The following PDE1A variants were observed in gnomAD, a reference collection of about 807,000 sequenced individuals.
PDE1A encodes the protein dual specificity calcium/calmodulin-dependent 3',5'-cyclic nucleotide phosphodiesterase 1A.
Under a neutral mutation model 61.7 loss-of-function variants are expected in PDE1A, and 35 were observed. The ratio of observed to expected loss-of-function variants is 0.57; its 90% confidence interval spans 0.43 to 0.75. PDE1A has a LOEUF of 0.75. Among genes scored for constraint, PDE1A ranks in the 30% least tolerant of loss-of-function variants. PDE1A has a pLI of 0.00. For missense variants in PDE1A, 597 were observed against 630.6 expected (o/e 0.95, Z 0.57); for synonymous variants, 232 against 213.2 (o/e 1.09, Z -0.77).
At chr2:182,322,436 T>C (rs1187210661) in intron 1 of PDE1A, among the ~76,000 whole-genome samples, 1 of 152,230 alleles carries the variant, frequency 6.6e-6, no homozygotes, top group African/African-American at 2.4e-5. Flanking sequence ...TCAAGAGATC[T>C]GATGGTTTTA....
At chr2:182,562,956 A>C in the PDE1A span, among the ~76,000 whole-genome samples, 1 of 151,820 alleles carries the variant, frequency 6.6e-6, no homozygotes, top group Non-Finnish European at 1.5e-5. Flanking sequence ...TTTCTTCTTT[A>C]TTAGTCTTGC....
At chr2:182,491,157 T>C (rs1018736948) in intron 2 of PDE1A, among the ~76,000 whole-genome samples, 15 of 152,196 alleles carry the variant, frequency 9.9e-5, no homozygotes, top group African/African-American at 3.4e-4. Flanking sequence ...GGACAACAAA[T>C]AGGGTGCACT....
intron 2 of PDE1A, among the ~76,000 whole-genome samples, chr2:182,478,454 T>C (rs1284038615): frequency 6.6e-6 from 1 of 151,846 alleles, no homozygotes; most frequent in Non-Finnish European, 1.5e-5. Flanking sequence ...CTTTAATAGA[T>C]GAACAGTATC....
At chr2:182,588,860 A>G in the PDE1A span, among the ~76,000 whole-genome samples, 1 of 151,990 alleles carries the variant, frequency 6.6e-6, no homozygotes, top group Non-Finnish European at 1.5e-5. Flanking sequence ...CTTGGCCAAC[A>G]TGGTGAAACC....
chr2:182,262,646 G>T (rs60701525), intron 2 of PDE1A, among the ~76,000 whole-genome samples: 15,802 of 152,118 alleles, frequency 0.1, 1,166 homozygotes, highest in East Asian at 0.32. Context: ...AGAAAGAATC[G>T]CTTGTGCAAC....
the PDE1A span, among the ~76,000 whole-genome samples, chr2:182,637,618 C>A: frequency 7.2e-5 from 11 of 152,216 alleles, no homozygotes; most frequent in South Asian, 2.3e-3. Context: ...AGAATCAGTA[C>A]TCTTCCAAAA....
intron 1 of PDE1A, among the ~76,000 whole-genome samples, chr2:182,305,704 CTGT>C (rs139545129): frequency 0.26 from 38,689 of 151,612 alleles, 5,214 homozygotes; most frequent in East Asian, 0.48. Context: ...GTATTTATTA[CTGT>C]TGTTGTTTTT....
intron 1 of PDE1A, among the ~76,000 whole-genome samples, chr2:182,291,192 G>A (rs1229187003): frequency 6.6e-6 from 1 of 151,972 alleles, no homozygotes; most frequent in African/African-American, 2.4e-5. Context: ...TCCTGCCTAG[G>A]CAATCCTTCA....
chr2:182,371,782 CATTTATTT>C (rs562249870), intron 1 of PDE1A, among the ~76,000 whole-genome samples: 2 of 151,820 alleles, frequency 1.3e-5, no homozygotes, highest in Non-Finnish European at 2.9e-5. Context: ...AATGAATTAA[CATTTATTT>C]ATTTATTTAT....
chr2:182,332,850 A>G (rs1697510434), intron 1 of PDE1A, among the ~76,000 whole-genome samples: 1 of 152,152 alleles, frequency 6.6e-6, no homozygotes, highest in Non-Finnish European at 1.5e-5. Context: ...GGAAAGACAC[A>G]CATAGGCTCA....
chr2:182,205,931 G>A lies in PDE1A; in HGVS notation c.902+9C>T. On this transcript the variant is annotated intron_variant, in intron 8 of 13. Transcript: ENST00000351439. The stretch of plus-strand genomic sequence containing the variant: ...ATTAAATTTCCTCTAGGTTTTCTCT[G>A]AAACTCACCTCCAGTCATCTTTGGA... 1 of 1,598,144 alleles carries A rather than the reference G, an allele frequency of 6.3e-7. No individual in the cohort carries two copies. Among genetic ancestry groups the A allele is most frequent in the Non-Finnish European group, 8.5e-7 (1 of 1,171,646 alleles).
chr2:182,204,686 T>C (rs1686950528), intron 8 of PDE1A, among the ~76,000 whole-genome samples: 1 of 152,272 alleles, frequency 6.6e-6, no homozygotes, highest in African/African-American at 2.4e-5. Flanking sequence ...TTATCAACTT[T>C]TATATTATTG....
At chr2:182,592,792 C>G in the PDE1A span, among the ~76,000 whole-genome samples, 3 of 151,654 alleles carry the variant, frequency 2.0e-5, no homozygotes, top group South Asian at 6.2e-4. Context: ...GAAAACAAGT[C>G]AAAAAAGGAA....
exon 15 of PDE1A, chr2:182,141,320 A>C (rs1384215902): frequency 6.6e-6 from 1 of 152,208 alleles, no homozygotes; most frequent in Non-Finnish European, 1.5e-5. Flanking sequence ...CAGTAGTTAC[A>C]GTCTCTCCAT....
chr2:182,283,247 G>T (rs1693933587), intron 1 of PDE1A, among the ~76,000 whole-genome samples: 1 of 151,990 alleles, frequency 6.6e-6, no homozygotes, highest in Non-Finnish European at 1.5e-5. Context: ...GTAGTAAATG[G>T]TCACCTATAT....
chr2:182,346,341 G>C (rs1698517049), intron 1 of PDE1A, among the ~76,000 whole-genome samples: 1 of 152,052 alleles, frequency 6.6e-6, no homozygotes, highest in Non-Finnish European at 1.5e-5. Flanking sequence ...GGAACACAAG[G>C]ATAGATTAAG....
intron 2 of PDE1A, among the ~76,000 whole-genome samples, chr2:182,440,441 T>A (rs571548168): frequency 2.0e-5 from 3 of 152,092 alleles, no homozygotes; most frequent in Admixed American, 1.3e-4. Flanking sequence ...GTTATAGGCA[T>A]GCCTTTAAAT....
At chr2:182,578,446 T>C in the PDE1A span, among the ~76,000 whole-genome samples, 2 of 152,232 alleles carry the variant, frequency 1.3e-5, no homozygotes, top group Non-Finnish European at 2.9e-5. Flanking sequence ...AAAGAAAGTC[T>C]ATATTATTAA....
At chr2:182,711,528 C>T in the PDE1A span, among the ~76,000 whole-genome samples, 2 of 151,536 alleles carry the variant, frequency 1.3e-5, no homozygotes, top group East Asian at 3.9e-4. Flanking sequence ...CTTTGTCCAC[C>T]GAGAAGACCT....
Sources: allele counts gnomAD v4.1 joint callset (sites outside exome capture counted in the v4.1 genomes callset), GRCh38; gene constraint gnomAD v4.1.1; transcripts MANE v1.5; gene names NCBI Gene and HGNC (gene_info 2026-07-23, HGNC 2026-07-21).